Variants in APOB observed in about 807,000 individuals in gnomAD.
APOB encodes apolipoprotein B.
Under a neutral mutation model 314.1 loss-of-function variants are expected in APOB, and 153 were observed. That is an observed-to-expected ratio of 0.49 (90% CI 0.43 to 0.56). The LOEUF (loss-of-function observed/expected upper bound fraction) is 0.56. Ranked by LOEUF, APOB falls within the 20% of genes least tolerant of loss-of-function variation. The probability of loss-of-function intolerance (pLI) is 0.00; values close to 1 mark genes in which losing one functional copy is unlikely to be tolerated. For missense variants in APOB, 5,430 were observed against 5,350.7 expected, an observed-to-expected ratio of 1.01 and a Z score of -0.46; for synonymous variants, 2,087 against 2,036.4, an observed-to-expected ratio of 1.02 and a Z score of -0.67.
rs960875537 is a variant in APOB, at chr2:21,022,734, A to G, written c.2816+97T>C. The G allele has an allele frequency of 7.5e-5, 84 of 1,124,980 alleles. No homozygotes were observed. In the Admixed American group the frequency reaches 1.5e-3, roughly 20 times the overall value. The allele number at this position is 1,124,980 out of a possible 1,614,324, so 69.7% of individuals were successfully genotyped here. ...CCTCTCCTGCTTCCTCAGGACCTGAATGATCTCAATCAACTGTTTAGCCTG... is the reference window on the plus strand; with the variant it reads ...CCTCTCCTGCTTCCTCAGGACCTGAGTGATCTCAATCAACTGTTTAGCCTG... On this transcript the variant is annotated intron_variant, in intron 18 of 28. Transcript: ENST00000233242.
At position 21,009,537 on chromosome 2, in the gene APOB, C is replaced by T. The variant is rs200143030; in HGVS notation, c.7331G>A (p.Arg2444His). 7.8e-5 allele frequency: 126 copies of T among 1,613,992 alleles called. No individual in the cohort carries two copies. The East Asian group carries it at 1.1e-3, about 14-fold the overall frequency. The change falls in exon 26 of 29, where the codon CGT (arginine) becomes CAT (histidine). Residue 2444 changes from arginine to histidine, a missense_variant. Physicochemically the swap from Arg to His is conservative, Grantham distance 29 (BLOSUM62 0). Transcript: ENST00000233242. ...ACCATTGAGTCTCTGAGTCACCTCA[C>T]GGATTTTGTCATTGGTTTCATCTAC... ...QFVDETNDKIREVTQRLNGEI... is the reference protein window; with the variant it reads ...QFVDETNDKIHEVTQRLNGEI...
intron 18 of APOB, 22 bp from the exon 19 acceptor site, chr2:21,019,927 T>G: frequency 6.2e-7 from 1 of 1,612,696 alleles, no homozygotes; most frequent in Non-Finnish European, 8.5e-7. Flanking sequence ...CAAAAATACC[T>G]GAGTTATTGC....
At chr2:21,026,709 G>T in intron 15 of APOB, 79 bp downstream of exon 15, 1 of 1,173,140 alleles carries the variant, frequency 8.5e-7, no homozygotes, top group Non-Finnish European at 1.3e-6. Context: ...GTATTTTGAG[G>T]ACTTCCATGC....
chr2:21,023,520 C>A lies in APOB; in HGVS notation c.2604+5G>T, dbSNP rs771813631. 1 of 1,614,174 alleles carries A rather than the reference C, an allele frequency of 6.2e-7. No individual in the cohort carries two copies. Among genetic ancestry groups the A allele is most frequent in the East Asian group, 2.2e-5 (1 of 44,876 alleles). Reference sequence around the variant, plus strand: ...TAAGAAATCAAAAGGCAAACAGAATCTTACGTTGGCTACTTCCAGTTTTAC... The same window carrying A: ...TAAGAAATCAAAAGGCAAACAGAATATTACGTTGGCTACTTCCAGTTTTAC... On this transcript the variant is annotated splice_donor_5th_base_variant and intron_variant, in intron 17 of 28. Transcript: ENST00000233242.
chr2:21,003,482 G>A, intron 28 of APOB, 148 bp from the exon 29 acceptor site: 2 of 756,728 alleles, frequency 2.6e-6, no homozygotes, highest in South Asian at 3.4e-5. Context: ...GTCAGTTCAT[G>A]TGTTTGTTTT....
rs199916572 is a variant in APOB, at chr2:21,026,773, T to G, written c.2244+15A>C. 20 of 1,609,110 alleles carry G rather than the reference T, an allele frequency of 1.2e-5. No homozygotes were observed. The highest frequency in any genetic ancestry group is 1.7e-5 in the Non-Finnish European group (20 of 1,175,590). On this transcript the variant is annotated intron_variant, in intron 15 of 28. Coordinates refer to ENST00000233242, the MANE Select transcript of APOB (RefSeq NM_000384.3). Reference sequence around the variant, plus strand: ...CCCAAAGCTTTCCTTAAGAAGATACTTCACAAATACACACCTGCTCATGTT... The same window carrying G: ...CCCAAAGCTTTCCTTAAGAAGATACGTCACAAATACACACCTGCTCATGTT...
In APOB at chr2:21,005,576, G is replaced by T; in HGVS notation, c.11292C>A (p.Asp3764Glu). 6.2e-7 allele frequency: 1 copy of T among 1,614,086 alleles called. No individual in the cohort carries two copies. The highest frequency in any genetic ancestry group is 8.5e-7 in the Non-Finnish European group (1 of 1,179,988). Residue 3764 changes from aspartate to glutamate, a missense_variant, in exon 26 of 29, where the codon GAC (aspartate) becomes GAA (glutamate). Asp to Glu is a conservative substitution (Grantham distance 45). Coordinates refer to ENST00000233242, the MANE Select transcript of APOB (RefSeq NM_000384.3). The stretch of plus-strand genomic sequence containing the variant: ...TCTTATAGATTTGTATTTCTCTGAA[G>T]TCAAGTTTGCACGATGGAACCTGAA... ...TDLQVPSCKL[D>E]FREIQIYKKL...
At position 21,007,115 on chromosome 2, in the gene APOB, G is replaced by A; in HGVS notation, c.9753C>T (p.Tyr3251=). The A allele has an allele frequency of 6.2e-7, 1 of 1,613,998 alleles. No individual in the cohort carries two copies. Among genetic ancestry groups the A allele is most frequent in the Non-Finnish European group, 8.5e-7 (1 of 1,179,934 alleles). Residue 3251 remains tyrosine (Y), a synonymous_variant, in exon 26 of 29, where the codon TAC becomes TAT. Transcript: ENST00000233242. ...ELPRTFQIPG[Y]TVPVVNVEVS... ...CTTCAACATTGACAACTGGAACAGT[G>A]TATCCAGGAATTTGAAAGGTCCTGG...
At chr2:21,034,477 T>A (rs535050968) in intron 8 of APOB, among the ~76,000 whole-genome samples, 1 of 152,356 alleles carries the variant, frequency 6.6e-6, no homozygotes. Flanking sequence ...CTGGCCAGAC[T>A]CTGAAGGTTC....
chr2:21,018,999 T>C lies in APOB; in HGVS notation c.3114A>G (p.Gln1038=). Residue 1038 remains glutamine, a synonymous_variant, in exon 20 of 29, where the codon CAA becomes CAG. Transcript: ENST00000233242. ...ALVDTLKFVT[Q]AEGAKQTEAT... is the part of the protein sequence containing the mutation. ...TGTGTTTTGAATACTCACCTTCTGC[T>C]TGAGTTACAAACTTCAGGGTATCCA... 4 of 1,614,060 alleles carry C rather than the reference T, an allele frequency of 2.5e-6. No individual in the cohort carries two copies. Among genetic ancestry groups the C allele is most frequent in the Non-Finnish European group, 3.4e-6 (4 of 1,179,994 alleles).
At chr2:21,039,070 G>T (rs1664073776) in intron 4 of APOB, among the ~76,000 whole-genome samples, 1 of 152,032 alleles carries the variant, frequency 6.6e-6, no homozygotes, top group African/African-American at 2.4e-5. Context: ...ACATCCTTAT[G>T]TGCCTATCTT....
At chr2:21,015,022 G>T in intron 23 of APOB, 51 bp downstream of exon 23, 4 of 1,528,028 alleles carry the variant, frequency 2.6e-6, no homozygotes, top group Non-Finnish European at 3.6e-6. Flanking sequence ...AGTTGAGGAT[G>T]TAATTAGCAC....
intron 28 of APOB, among the ~76,000 whole-genome samples, chr2:21,003,725 C>A (rs1472189300): frequency 1.3e-5 from 2 of 152,130 alleles, no homozygotes; most frequent in Non-Finnish European, 2.9e-5. Flanking sequence ...TTGGAGCCCA[C>A]CCTGCAGAGA....
intron 2 of APOB, 129 bp downstream of exon 2, chr2:21,043,384 C>T (rs1664180853): frequency 1.8e-6 from 2 of 1,101,612 alleles, no homozygotes; most frequent in Admixed American, 4.0e-5. Context: ...GAACTTGCTT[C>T]CTGGGGTCAG....
chr2:21,027,350 C>T (rs943106114), intron 14 of APOB, among the ~76,000 whole-genome samples: 7 of 123,634 alleles, frequency 5.7e-5, no homozygotes, highest in East Asian at 4.4e-4. Flanking sequence ...CTTGCTCTGT[C>T]GCCCAGGCTG....
At chr2:21,017,727 A>G (rs1663513426) in intron 20 of APOB, among the ~76,000 whole-genome samples, 1 of 152,098 alleles carries the variant, frequency 6.6e-6, no homozygotes, top group African/African-American at 2.4e-5. Flanking sequence ...TTTCTTTGTA[A>G]CAAGATTCCC....
chr2:21,023,549 A>T lies in APOB; in HGVS notation c.2580T>A (p.Ala860=). The change falls in exon 17 of 29, where the codon GCT becomes GCA. Residue 860 remains alanine, a synonymous_variant. Transcript: ENST00000233242. ...CGTTGGCTACTTCCAGTTTTACTCCAGCCTTGGCTCCGGGAGCAATGACTC... is the reference window on the plus strand; with the variant it reads ...CGTTGGCTACTTCCAGTTTTACTCCTGCCTTGGCTCCGGGAGCAATGACTC... ...SSGVIAPGAK[A]GVKLEVANMQ... is the part of the protein sequence containing the mutation. The T allele has an allele frequency of 6.2e-7, 1 of 1,614,198 alleles. No homozygotes were observed.
intron 9 of APOB, 48 bp from the exon 10 acceptor site, chr2:21,032,629 C>A (rs1446470662): frequency 1.4e-6 from 2 of 1,430,430 alleles, no homozygotes; most frequent in Non-Finnish European, 2.0e-6. Flanking sequence ...CTTCAGGGCA[C>A]ATAAAATATT....
In APOB at chr2:21,023,763, C is replaced by T. The variant is rs192784225; in HGVS notation, c.2437-71G>A. ...AGTCGGTTTTGTTAATTACAACCTC[C>T]CATACATTGGAGAGTAATTCCTCTT... On this transcript the variant is annotated intron_variant, in intron 16 of 28. Coordinates refer to ENST00000233242, the MANE Select transcript of APOB (RefSeq NM_000384.3). 91 of 1,330,676 alleles carry T rather than the reference C, an allele frequency of 6.8e-5. No homozygotes were observed. In the African/African-American group the frequency reaches 1.2e-3, roughly 18 times the overall value. 82.4% of individuals were successfully genotyped at this position (1,330,676 alleles called of 1,614,324 possible). A position where few individuals can be genotyped will look rare whatever the true frequency, so the allele number is the denominator to read the frequency against.
Sources: allele counts gnomAD v4.1 joint callset (sites outside exome capture counted in the v4.1 genomes callset), GRCh38; gene constraint gnomAD v4.1.1; transcripts MANE v1.5; gene names NCBI Gene and HGNC (gene_info 2026-07-23, HGNC 2026-07-21).